HDAC9: variants seen among roughly 807,000 people sequenced by gnomAD.
HDAC9 encodes the protein MEF-2 interacting transcription repressor (MITR) protein.
A neutral mutation model predicts 139.4 loss-of-function variants in HDAC9; 41 were observed. The observed-to-expected ratio is 0.29, with a 90% CI of 0.23 to 0.38. The LOEUF (loss-of-function observed/expected upper bound fraction) is 0.38. Among genes scored for constraint, HDAC9 ranks in the 10% least tolerant of loss-of-function variants. The probability of loss-of-function intolerance (pLI) is 1.00; values close to 1 mark genes in which losing one functional copy is unlikely to be tolerated. For synonymous variants in HDAC9, 517 were observed against 476.2 expected, an observed-to-expected ratio of 1.09 and a Z score of -1.12; for missense variants, 1,147 against 1,297.0, an observed-to-expected ratio of 0.88 and a Z score of 1.78.
chr7:18,351,471 C>T (rs75118727), intron 1 of HDAC9, among the ~76,000 whole-genome samples: 28,785 of 152,042 alleles, frequency 0.19, 3,356 homozygotes, highest in Middle Eastern at 0.29. Context: ...CAAAAAAAGA[C>T]AGCTATATTA....
chr7:18,768,071 T>C (rs1789978889), intron 16 of HDAC9, among the ~76,000 whole-genome samples: 1 of 152,194 alleles, frequency 6.6e-6, no homozygotes, highest in Non-Finnish European at 1.5e-5. Context: ...CCTTTGCTTG[T>C]GATTCTGCTT....
intron 1 of HDAC9, among the ~76,000 whole-genome samples, chr7:18,431,326 C>G (rs1790640999): frequency 6.6e-6 from 1 of 152,154 alleles, no homozygotes; most frequent in African/African-American, 2.4e-5. Flanking sequence ...AGGAGATATT[C>G]CTTGAATCAC....
At chr7:18,849,827 A>G (rs1373433346) in intron 21 of HDAC9, among the ~76,000 whole-genome samples, 1 of 152,188 alleles carries the variant, frequency 6.6e-6, no homozygotes, top group Non-Finnish European at 1.5e-5. Context: ...CTGGTTAGAA[A>G]AGAACTTGGC....
At chr7:18,596,108 A>T (rs931131229) in intron 6 of HDAC9, among the ~76,000 whole-genome samples, 2 of 152,032 alleles carry the variant, frequency 1.3e-5, no homozygotes. Flanking sequence ...TCTGTATTTG[A>T]TCAGTATTTC....
chr7:18,684,188 C>T (rs913019200), intron 12 of HDAC9, among the ~76,000 whole-genome samples: 1 of 151,162 alleles, frequency 6.6e-6, no homozygotes, highest in Admixed American at 6.6e-5. Flanking sequence ...AGCCTGGAGG[C>T]GGAGATTGCA....
chr7:18,101,907 G>A (rs1343371820), intron 1 of HDAC9, among the ~76,000 whole-genome samples: 1 of 152,134 alleles, frequency 6.6e-6, no homozygotes, highest in Non-Finnish European at 1.5e-5. Context: ...CTTGAATCTA[G>A]TAAATGTGAA....
intron 22 of HDAC9, among the ~76,000 whole-genome samples, chr7:18,899,019 T>C (rs1801460136): frequency 6.6e-6 from 1 of 152,034 alleles, no homozygotes; most frequent in Admixed American, 6.6e-5. Context: ...TGAAGATTGC[T>C]GAGTTAGGAA....
intron 1 of HDAC9, among the ~76,000 whole-genome samples, chr7:18,396,288 G>A (rs1370178817): frequency 2.0e-5 from 3 of 152,116 alleles, no homozygotes; most frequent in East Asian, 1.9e-4. Context: ...TTACATTTTA[G>A]TGAGGAATAT....
At chr7:18,330,330 C>T (rs553574556) in intron 1 of HDAC9, among the ~76,000 whole-genome samples, 71 of 151,526 alleles carry the variant, frequency 4.7e-4, no homozygotes, top group Non-Finnish European at 9.2e-4. Context: ...CTTGTTAGTT[C>T]ACATTTAGTT....
At chr7:18,498,213 C>T (rs1011731292) in intron 2 of HDAC9, among the ~76,000 whole-genome samples, 1 of 152,084 alleles carries the variant, frequency 6.6e-6, no homozygotes, top group South Asian at 2.1e-4. Context: ...TCCTGCCATG[C>T]CATATATTTC....
chr7:18,562,780 C>A (rs1291670207), intron 2 of HDAC9, among the ~76,000 whole-genome samples: 1 of 151,746 alleles, frequency 6.6e-6, no homozygotes, highest in East Asian at 1.9e-4. Flanking sequence ...ATGTCAATTG[C>A]CAGGAAAAAA....
At chr7:18,710,557 C>G (rs1027525679) in intron 12 of HDAC9, among the ~76,000 whole-genome samples, 20 of 152,064 alleles carry the variant, frequency 1.3e-4, no homozygotes, top group Non-Finnish European at 2.9e-4. Flanking sequence ...AAAAAAATTT[C>G]ACGCATAATC....
intron 1 of HDAC9, among the ~76,000 whole-genome samples, chr7:18,123,410 A>G (rs1784473657): frequency 6.6e-6 from 1 of 152,210 alleles, no homozygotes; most frequent in Admixed American, 6.5e-5. Context: ...ATGAAATTTG[A>G]AACATTTTTC....
In HDAC9 at chr7:18,996,278, G is replaced by C. The variant is rs1786458025; in HGVS notation, c.*216G>C. 2.1e-6 allele frequency: 1 copy of C among 467,088 alleles called. No individual in the cohort carries two copies. The highest frequency in any genetic ancestry group is 2.0e-5 in the African/African-American group (1 of 50,532). 28.9% of individuals were successfully genotyped at this position (467,088 alleles called of 1,614,324 possible). A position where few individuals can be genotyped will look rare whatever the true frequency, so the allele number is the denominator to read the frequency against. ...CTTAAACGTAACCGCTGTGATTCTA[G>C]AGTTACAGTAAACCACGATTGGAAG... is the stretch of plus-strand genomic sequence containing the variant. On this transcript the variant is annotated 3_prime_UTR_variant, in exon 26 of 26. Transcript: ENST00000686413.
intron 2 of HDAC9, among the ~76,000 whole-genome samples, chr7:18,538,965 A>G (rs1449063149): frequency 6.6e-6 from 1 of 152,188 alleles, no homozygotes; most frequent in African/African-American, 2.4e-5. Context: ...TGAGAGGGCA[A>G]GAGCATGCCA....
chr7:18,883,290 A>G (rs1799869650), intron 22 of HDAC9, among the ~76,000 whole-genome samples: 1 of 152,152 alleles, frequency 6.6e-6, no homozygotes, highest in Non-Finnish European at 1.5e-5. Context: ...AAACGTCTCA[A>G]CAAAATACTA....
intron 2 of HDAC9, among the ~76,000 whole-genome samples, chr7:18,199,017 T>C (rs1352480307): frequency 6.6e-6 from 1 of 152,168 alleles, no homozygotes; most frequent in Non-Finnish European, 1.5e-5. Context: ...TAGTGTAAAA[T>C]TTCCATCAGG....
chr7:18,546,364 G>A (rs1377053413), intron 2 of HDAC9, among the ~76,000 whole-genome samples: 1 of 152,096 alleles, frequency 6.6e-6, no homozygotes, highest in Admixed American at 6.6e-5. Context: ...AAGGCATAAG[G>A]TTTCTTTGAC....
chr7:18,860,891 G>A (rs549515918), intron 21 of HDAC9, among the ~76,000 whole-genome samples: 1 of 152,108 alleles, frequency 6.6e-6, no homozygotes, highest in Non-Finnish European at 1.5e-5. Flanking sequence ...ACCCTTGCCC[G>A]CTCTCCACAC....
Sources: allele counts gnomAD v4.1 joint callset (sites outside exome capture counted in the v4.1 genomes callset), GRCh38; gene constraint gnomAD v4.1.1; transcripts MANE v1.5; gene names NCBI Gene and HGNC (gene_info 2026-07-23, HGNC 2026-07-21).